NBPF8: variants seen among roughly 807,000 people sequenced by gnomAD.
NBPF8 encodes the protein NBPF family member NBPF8.
At chr1:120,430,766 A>G (rs1660854225) in intron 3 of NBPF8, among the ~76,000 whole-genome samples, 1 of 148,614 alleles carries the variant, frequency 6.7e-6, no homozygotes, top group Admixed American at 6.7e-5. Flanking sequence ...AAAAAAAAAA[A>G]AAAAAAAAGG....
upstream of NBPF8, among the ~76,000 whole-genome samples, chr1:120,417,739 A>G (rs1159768730): frequency 5.4e-5 from 7 of 129,814 alleles, no homozygotes; most frequent in Non-Finnish European, 9.6e-5. Context: ...AGCTGCGACT[A>G]TAGGAGTGTG....
chr1:120,452,503 G>T (rs1273808702), intron 13 of NBPF8, among the ~76,000 whole-genome samples, 172 bp downstream of exon 11: 5 of 151,936 alleles, frequency 3.3e-5, no homozygotes, highest in East Asian at 3.9e-4. Flanking sequence ...AACCCATGGG[G>T]TTGGAGGTCA....
chr1:120,416,704 T>C (rs1318945484), upstream of NBPF8, among the ~76,000 whole-genome samples: 1 of 150,938 alleles, frequency 6.6e-6, no homozygotes, highest in Non-Finnish European at 1.5e-5. Flanking sequence ...TGGGGTATAT[T>C]TGTAGGAGTG....
At chr1:120,465,323 G>T (rs1352338490) in exon 24 of NBPF8, 6 of 699,920 alleles carry the variant, frequency 8.6e-6, no homozygotes, top group Non-Finnish European at 1.5e-5. Context: ...AAGAAAAGAA[G>T]AAGGGGAAGA....
chr1:120,453,542 G>T, intron 14 of NBPF8, 98 bp downstream of exon 12: 4 of 1,067,690 alleles, frequency 3.7e-6, no homozygotes, highest in African/African-American at 1.9e-5. Context: ...TCAAAAACCC[G>T]CATTTGCTTA....
intron 16 of NBPF8, among the ~76,000 whole-genome samples, chr1:120,455,978 T>C (rs1301631299): frequency 3.3e-5 from 5 of 152,122 alleles, no homozygotes; most frequent in Non-Finnish European, 5.9e-5. Context: ...GTCTTTTTTC[T>C]CATTGGTTTC....
At chr1:120,463,966 G>A (rs1209235123) in intron 22 of NBPF8, among the ~76,000 whole-genome samples, 2 of 33,250 alleles carry the variant, frequency 6.0e-5, no homozygotes, top group South Asian at 8.0e-4. Flanking sequence ...TTCTCATGGC[G>A]ACTGCATGGA....
intron 3 of NBPF8, among the ~76,000 whole-genome samples, chr1:120,428,927 C>T (rs1216647250): frequency 6.6e-6 from 1 of 150,890 alleles, no homozygotes; most frequent in African/African-American, 2.5e-5. Flanking sequence ...CTGTCTTTTC[C>T]GAATATGAAC....
At chr1:120,429,573 T>C (rs1373307494) in intron 3 of NBPF8, among the ~76,000 whole-genome samples, 1 of 151,812 alleles carries the variant, frequency 6.6e-6, no homozygotes, top group African/African-American at 2.4e-5. Context: ...CAGGGACATG[T>C]GGTGGTTACT....
At chr1:120,433,726 C>T (rs1179140947), upstream of NBPF8, 130 of 207,662 alleles carry the variant, frequency 6.3e-4, no homozygotes, top group South Asian at 0.012. Context: ...TGGATACCTT[C>T]TTTGCCCATC....
At chr1:120,421,314 C>T (rs1161125619) in intron 1 of NBPF8, among the ~76,000 whole-genome samples, 1 of 152,168 alleles carries the variant, frequency 6.6e-6, no homozygotes, top group African/African-American at 2.4e-5. Context: ...GTAAGTTCCC[C>T]TGGATGTTCT....
chr1:120,464,187 C>G (rs1661675489), intron 22 of NBPF8, among the ~76,000 whole-genome samples, 189 bp from the exon 21 acceptor site: 2 of 121,238 alleles, frequency 1.6e-5, no homozygotes, highest in African/African-American at 3.8e-5. Context: ...GTCTGTCTGT[C>G]TTTCTCTTTC....
intron 3 of NBPF8, among the ~76,000 whole-genome samples, 160 bp downstream of exon 3, chr1:120,428,007 T>A (rs1660768419): frequency 6.6e-6 from 1 of 152,266 alleles, no homozygotes; most frequent in Non-Finnish European, 1.5e-5. Flanking sequence ...AACAATTTTC[T>A]AAACATTCTT....
chr1:120,416,330 C>T (rs1241676945), upstream of NBPF8, among the ~76,000 whole-genome samples: 7 of 122,666 alleles, frequency 5.7e-5, no homozygotes, highest in South Asian at 2.9e-4. Flanking sequence ...GTGGTCCGGG[C>T]GCGGTAGATC....
chr1:120,425,408 A>G (rs1423129513), intron 1 of NBPF8, among the ~76,000 whole-genome samples: 29 of 152,094 alleles, frequency 1.9e-4, no homozygotes, highest in Non-Finnish European at 1.5e-5. Flanking sequence ...ATGCACATCA[A>G]AAGCACAGCA....
chr1:120,422,232 A>G (rs1352500920), intron 1 of NBPF8, among the ~76,000 whole-genome samples: 3 of 151,992 alleles, frequency 2.0e-5, no homozygotes, highest in Non-Finnish European at 4.4e-5. Flanking sequence ...ACCACTATTG[A>G]TACATCATTA....
chr1:120,464,381 G>A (rs1406149963), exon 23 of NBPF8: 9 of 772,988 alleles, frequency 1.2e-5, no homozygotes, highest in Non-Finnish European at 2.1e-5. Context: ...TCCAGGCTCA[G>A]CAGGGAGCTG....
upstream of NBPF8, among the ~76,000 whole-genome samples, chr1:120,418,736 T>C (rs79719950): frequency 0.61 from 54,652 of 90,068 alleles, 17,724 homozygotes; most frequent in African/African-American, 0.83. Flanking sequence ...TTTTTGTAGA[T>C]AGGGTTTTCC....
At chr1:120,418,614 G>A (rs1367480217), upstream of NBPF8, among the ~76,000 whole-genome samples, 5 of 142,176 alleles carry the variant, frequency 3.5e-5, no homozygotes, top group Admixed American at 2.1e-4. Context: ...GGAGTGGTAT[G>A]ATCATGGGTC....
Sources: gnomAD v4.1 joint callset for allele counts (sites outside exome capture counted in the v4.1 genomes callset) on GRCh38, gnomAD v4.1.1 for gene constraint, MANE v1.5 for transcripts, NCBI Gene and HGNC (gene_info 2026-07-23, HGNC 2026-07-21) for gene names.